The following HEMK2 variants were observed in gnomAD, a reference collection of about 807,000 sequenced individuals.
HEMK2 encodes methyltransferase HEMK2.
the HEMK2 span, among the ~76,000 whole-genome samples, chr21:28,753,992 G>T: frequency 6.6e-6 from 1 of 152,190 alleles, no homozygotes; most frequent in Non-Finnish European, 1.5e-5. Flanking sequence ...TTAGGTAAAA[G>T]TATTTTTTCA....
At chr21:28,694,433 A>G in the HEMK2 span, among the ~76,000 whole-genome samples, 1 of 152,220 alleles carries the variant, frequency 6.6e-6, no homozygotes. Context: ...GGTCATCAAC[A>G]TTACAAGCTC....
At chr21:28,788,700 T>G in the HEMK2 span, among the ~76,000 whole-genome samples, 1 of 142,720 alleles carries the variant, frequency 7.0e-6, no homozygotes, top group South Asian at 2.3e-4. Context: ...AATCTTTAGG[T>G]ACTCCAAAAA....
the HEMK2 span, chr21:28,879,938 G>A: frequency 3.7e-6 from 6 of 1,601,866 alleles, no homozygotes; most frequent in Admixed American, 1.0e-4. Flanking sequence ...GTCAATCTTG[G>A]TAGCAAGCCT....
chr21:28,578,027 A>C, the HEMK2 span, among the ~76,000 whole-genome samples: 2 of 152,120 alleles, frequency 1.3e-5, no homozygotes, highest in South Asian at 4.1e-4. Context: ...CACCCCTTCC[A>C]TTGTTTCCAT....
chr21:28,831,640 AAAGAAAGAAAGAAAG>A, the HEMK2 span, among the ~76,000 whole-genome samples: 7 of 24,626 alleles, frequency 2.8e-4, no homozygotes, highest in African/African-American at 4.2e-4. Flanking sequence ...GGAAGGAAAG[AAAGAAAGAAAGAAAG>A]AAAGAAAGAA....
chr21:28,589,947 A>C, the HEMK2 span, among the ~76,000 whole-genome samples: 1 of 151,998 alleles, frequency 6.6e-6, no homozygotes, highest in Non-Finnish European at 1.5e-5. Flanking sequence ...AAGGAAGAAG[A>C]CTCTCCCAGC....
At chr21:28,870,134 C>G in the HEMK2 span, among the ~76,000 whole-genome samples, 1 of 152,170 alleles carries the variant, frequency 6.6e-6, no homozygotes, top group East Asian at 1.9e-4. Context: ...TATTTTAGAA[C>G]AGTTTTAGCT....
the HEMK2 span, among the ~76,000 whole-genome samples, chr21:28,852,202 G>T: frequency 6.6e-6 from 1 of 152,170 alleles, no homozygotes; most frequent in Non-Finnish European, 1.5e-5. Flanking sequence ...TTTCTAGGTA[G>T]AGGCAGCTCT....
At chr21:28,614,330 T>C in the HEMK2 span, among the ~76,000 whole-genome samples, 2 of 152,140 alleles carry the variant, frequency 1.3e-5, no homozygotes, top group Non-Finnish European at 2.9e-5. Context: ...GGTACGGCTT[T>C]TAAATTTTTC....
At chr21:28,734,194 G>GC in the HEMK2 span, among the ~76,000 whole-genome samples, 5 of 152,178 alleles carry the variant, frequency 3.3e-5, no homozygotes, top group African/African-American at 7.2e-5. Flanking sequence ...GTAGACAGTA[G>GC]CCCCCCGAAG....
the HEMK2 span, among the ~76,000 whole-genome samples, chr21:28,704,498 C>A: frequency 1.4e-5 from 2 of 146,146 alleles, no homozygotes; most frequent in African/African-American, 4.9e-5. Flanking sequence ...CCTTGCTTAG[C>A]AATTTTACTA....
chr21:28,706,997 T>G, the HEMK2 span, among the ~76,000 whole-genome samples: 2 of 152,172 alleles, frequency 1.3e-5, no homozygotes, highest in Non-Finnish European at 2.9e-5. Context: ...GAAATGACAT[T>G]TGGATTCTCT....
the HEMK2 span, among the ~76,000 whole-genome samples, chr21:28,791,104 A>G: frequency 6.6e-6 from 1 of 152,192 alleles, no homozygotes; most frequent in Non-Finnish European, 1.5e-5. Flanking sequence ...GTAGACCAAG[A>G]GTTCCCAACC....
the HEMK2 span, among the ~76,000 whole-genome samples, chr21:28,864,536 A>T: frequency 6.6e-6 from 1 of 152,182 alleles, no homozygotes; most frequent in Non-Finnish European, 1.5e-5. Flanking sequence ...TCCTCATATG[A>T]TAATAGCTCC....
At chr21:28,811,285 G>A in the HEMK2 span, among the ~76,000 whole-genome samples, 1 of 120,800 alleles carries the variant, frequency 8.3e-6, no homozygotes, top group Admixed American at 9.0e-5. Flanking sequence ...AGAAAGAAAA[G>A]AAAAGAAGAA....
the HEMK2 span, among the ~76,000 whole-genome samples, chr21:28,614,471 T>C: frequency 6.6e-6 from 1 of 152,074 alleles, no homozygotes; most frequent in Non-Finnish European, 1.5e-5. Flanking sequence ...TAACAAAACT[T>C]TGAAATAAAA....
the HEMK2 span, among the ~76,000 whole-genome samples, chr21:28,838,972 A>AAAAAAAAAT: frequency 1.7e-4 from 5 of 29,154 alleles, no homozygotes; most frequent in Non-Finnish European, 2.8e-4. Flanking sequence ...AAAAAAAAAA[A>AAAAAAAAAT]ATATATATAT....
At chr21:28,680,853 C>T in the HEMK2 span, among the ~76,000 whole-genome samples, 5 of 152,114 alleles carry the variant, frequency 3.3e-5, no homozygotes, top group East Asian at 1.9e-4. Context: ...ATTCAACAAC[C>T]CTTCATGCTA....
chr21:28,579,000 C>A, the HEMK2 span, among the ~76,000 whole-genome samples: 1 of 152,098 alleles, frequency 6.6e-6, no homozygotes, highest in Non-Finnish European at 1.5e-5. Context: ...AAAAAATGTT[C>A]TTTTGGTGGA....
Sources: allele counts gnomAD v4.1 joint callset (sites outside exome capture counted in the v4.1 genomes callset), GRCh38; gene constraint gnomAD v4.1.1; transcripts MANE v1.5; gene names NCBI Gene and HGNC (gene_info 2026-07-23, HGNC 2026-07-21).